Variants in DUSP6 observed in about 807,000 individuals in gnomAD.
DUSP6 encodes the protein dual specificity phosphatase 6, also known as dual specificity protein phosphatase 6.
A neutral mutation model predicts 28.0 loss-of-function variants in DUSP6; 6 were observed. The ratio of observed to expected loss-of-function variants is 0.21; its 90% CI spans 0.12 to 0.42. DUSP6 has a LOEUF of 0.42. Ranked by LOEUF, DUSP6 falls within the 10% of genes least tolerant of loss-of-function variation. The pLI is 1.00. For synonymous variants in DUSP6, 252 were observed against 217.5 expected (o/e 1.16, Z -1.40); for missense variants, 451 against 498.1 (o/e 0.91, Z 0.90).
rs1373254217 is a variant in DUSP6 at position 89,349,098 on chromosome 12, T to G, written c.*156A>C. Reference sequence around the variant, plus strand: ...AATGGAGCAAATCTCTCTGTTAGTATTAACCAATTCCGCACTTGGTAACCT... The same window carrying G: ...AATGGAGCAAATCTCTCTGTTAGTAGTAACCAATTCCGCACTTGGTAACCT... On this transcript the variant is annotated 3_prime_UTR_variant, in exon 3 of 3. Coordinates refer to ENST00000279488, the MANE Select transcript of DUSP6 (RefSeq NM_001946.4). 4.1e-6 allele frequency: 3 copies of G among 734,368 alleles called. No homozygotes were observed. In the South Asian group the frequency reaches 5.5e-5, roughly 14 times the overall value. The allele number at this position is 734,368 out of a possible 1,614,324, so 45.5% of individuals were successfully genotyped here.
At position 89,351,737 on chromosome 12, in the gene DUSP6, G is replaced by A. The variant is rs1275916822; in HGVS notation, c.303C>T (p.Ser101=). 5 of 1,606,490 alleles carry A rather than the reference G, an allele frequency of 3.1e-6. No homozygotes were observed. Among genetic ancestry groups the A allele is most frequent in the Non-Finnish European group, 4.2e-6 (5 of 1,177,316 alleles). The change falls in exon 1 of 3, where the codon AGC becomes AGT. Residue 101 remains serine (S), a synonymous_variant. Transcript: ENST00000279488. ...CCGTATTCTCGTTCCAGTCGCTGCTGCTCTCGTCGTAGAGCACCACTGTGT... is the reference window on the plus strand; with the variant it reads ...CCGTATTCTCGTTCCAGTCGCTGCTACTCTCGTCGTAGAGCACCACTGTGT... ...GTDTVVLYDE[S]SSDWNENTGG...
At position 89,347,688 on chromosome 12, in the gene DUSP6, A is replaced by T. The variant is rs947875876; in HGVS notation, c.*1566T>A. 3.3e-5 allele frequency: 5 copies of T among 152,254 alleles called. No homozygotes were observed. The highest frequency in any genetic ancestry group is 7.2e-5 in the African/African-American group (3 of 41,468). The allele number at this position is 152,254 out of a possible 1,614,324, so 9.4% of individuals were successfully genotyped here. On this transcript the variant is annotated 3_prime_UTR_variant, in exon 3 of 3. Coordinates refer to ENST00000279488, the MANE Select transcript of DUSP6 (RefSeq NM_001946.4). ...GCAGAAGATCCTGACAGTGAAGGAT[A>T]GGGAGGAGGTTAACATGTGGCTGTC...
At position 89,349,379 on chromosome 12, in the gene DUSP6, G is replaced by A; in HGVS notation, c.1021C>T (p.Leu341=). Residue 341 remains leucine (L), a synonymous_variant, in exon 3 of 3, where the codon CTG becomes TTG. Transcript: ENST00000279488. ...SPNFNFMGQL[L]DFERTLGLSS... ...AGTCCCAGCGTCCTCTCGAAGTCCA[G>A]CAGCTGACCCATGAAGTTGAAGTTA... is the stretch of plus-strand genomic sequence containing the variant. The A allele has an allele frequency of 1.9e-6, 3 of 1,614,222 alleles. No homozygotes were observed. The highest frequency in any genetic ancestry group is 2.5e-6 in the Non-Finnish European group (3 of 1,180,036).
rs1396635616 is a variant in DUSP6, at chr12:89,348,946, C to A, written c.*308G>T. 7.2e-6 allele frequency: 2 copies of A among 278,336 alleles called. No individual in the cohort carries two copies. The highest frequency in any genetic ancestry group is 1.7e-4 in the South Asian group (2 of 11,960). The allele number at this position is 278,336 out of a possible 1,614,324, so 17.2% of individuals were successfully genotyped here. A position where few individuals can be genotyped will look rare whatever the true frequency, so the allele number is the denominator to read the frequency against. Reference sequence around the variant, plus strand: ...TAAAGAACACATGCTCCTACCCTATCATTTGGTTCTACCCTATGCGCCTGG... The same window carrying A: ...TAAAGAACACATGCTCCTACCCTATAATTTGGTTCTACCCTATGCGCCTGG... On this transcript the variant is annotated 3_prime_UTR_variant, in exon 3 of 3. Coordinates refer to ENST00000279488, the MANE Select transcript of DUSP6 (RefSeq NM_001946.4).
rs1879051247 is a variant in DUSP6 at position 89,348,328 on chromosome 12, T to C, written c.*926A>G. The C allele has an allele frequency of 2.0e-5, 3 of 152,694 alleles. No individual in the cohort carries two copies. In the South Asian group the frequency reaches 6.2e-4, roughly 32 times the overall value. The allele number at this position is 152,694 out of a possible 1,614,324, so 9.5% of individuals were successfully genotyped here. ...AGAATTTTATACAGAGGTAATATAC[T>C]GTTTAGCACAGCTGAAGGTTTTTTT... On this transcript the variant is annotated 3_prime_UTR_variant, in exon 3 of 3. Coordinates refer to ENST00000279488, the MANE Select transcript of DUSP6 (RefSeq NM_001946.4).
rs1329513787 is a variant in DUSP6 at position 89,352,138 on chromosome 12, G to A, written c.-99C>T. On this transcript the variant is annotated 5_prime_UTR_variant, in exon 1 of 3. Transcript: ENST00000279488. ...CGCGCGAAGCTGCCGCTCTCGGAGC[G>A]GGGTTTAATTCCGCCTCGCCTTACC... The A allele has an allele frequency of 6.6e-7, 1 of 1,513,668 alleles. No homozygotes were observed. The highest frequency in any genetic ancestry group is 1.4e-5 in the African/African-American group (1 of 72,132). The allele number at this position is 1,513,668 out of a possible 1,614,324, so 93.8% of individuals were successfully genotyped here.
intron 2 of DUSP6, among the ~76,000 whole-genome samples, chr12:89,350,195 A>C (rs1338610729): frequency 6.6e-6 from 1 of 152,194 alleles, no homozygotes; most frequent in Non-Finnish European, 1.5e-5. Context: ...TCCAACAACT[A>C]ACTTGATGTC....
Position 89,349,837 on chromosome 12 carries a change from A to G in DUSP6, c.839-276T>C, listed in dbSNP as rs769700. Among the ~76,000 whole-genome samples the G allele has an allele frequency of 0.24, 36,874 of 152,178 alleles. 5,171 individuals are homozygous for G. Among genetic ancestry groups the G allele is most frequent in the African/African-American group, 0.39 (15,976 of 41,482 alleles). On this transcript the variant is annotated intron_variant, in intron 2 of 2. Transcript: ENST00000279488. ...GCATTCTTTGCCTCGGCATGTGAAT[A>G]CCAGAAACCCTGCAATATGTTCGTG...
Position 89,349,179 on chromosome 12 carries a change from G to A in DUSP6, c.*75C>T, listed in dbSNP as rs1592765898. 3.4e-6 allele frequency: 5 copies of A among 1,488,954 alleles called. No individual in the cohort carries two copies. Among genetic ancestry groups the A allele is most frequent in the African/African-American group, 1.4e-5 (1 of 71,706 alleles). 92.2% of individuals were successfully genotyped at this position (1,488,954 alleles called of 1,614,324 possible). A position where few individuals can be genotyped will look rare whatever the true frequency, so the allele number is the denominator to read the frequency against. ...ACACCTGGGGCCACACACAAAGAAA[G>A]CAGCCCAGCTGATGCTGCCAAGAGA... On this transcript the variant is annotated 3_prime_UTR_variant, in exon 3 of 3. Coordinates refer to ENST00000279488, the MANE Select transcript of DUSP6 (RefSeq NM_001946.4).
chr12:89,351,493 C>A, intron 1 of DUSP6, 147 bp downstream of exon 1: 1 of 1,344,796 alleles, frequency 7.4e-7, no homozygotes, highest in Non-Finnish European at 9.8e-7. Flanking sequence ...TTCGCGGCCC[C>A]TACCTCGCCG....
At position 89,350,669 on chromosome 12, in the gene DUSP6, A is replaced by G. The variant is rs2120500092; in HGVS notation, c.757T>C (p.Phe253Leu). Residue 253 changes from phenylalanine (F) to leucine (L), a missense_variant, in exon 2 of 3, where the codon TTT becomes CTT. By Grantham distance (22) the Phe-to-Leu change is conservative. Coordinates refer to ENST00000279488, the MANE Select transcript of DUSP6 (RefSeq NM_001946.4). ...LPNLFENAGE[F>L]KYKQIPISDH... ...GAGATGGGGATTTGCTTGTATTTAA[A>G]CTCTCCTGCGTTCTCAAAGAGATTC... 6.2e-7 allele frequency: 1 copy of G among 1,613,876 alleles called. No individual in the cohort carries two copies. Among genetic ancestry groups the G allele is most frequent in the Non-Finnish European group, 8.5e-7 (1 of 1,179,960 alleles).
intron 2 of DUSP6, among the ~76,000 whole-genome samples, chr12:89,349,826 G>C (rs747387034): frequency 6.6e-6 from 1 of 152,090 alleles, no homozygotes; most frequent in African/African-American, 2.4e-5. Flanking sequence ...TCTTTGCCTC[G>C]GCATGTGAAT....
Position 89,351,774 on chromosome 12 carries a change from C to T in DUSP6, c.266G>A (p.Arg89His). 6.2e-7 allele frequency: 1 copy of T among 1,609,452 alleles called. No individual in the cohort carries two copies. The highest frequency in any genetic ancestry group is 8.5e-7 in the Non-Finnish European group (1 of 1,178,642). Residue 89 changes from arginine to histidine, a missense_variant, in exon 1 of 3, where the codon CGC (arginine) becomes CAC (histidine). By Grantham distance (29) the Arg-to-His change is conservative. Transcript: ENST00000279488. Reference protein sequence around the residue: ...RGEDRDRFTRRCGTDTVVLYD... With the variant: ...RGEDRDRFTRHCGTDTVVLYD... ...GAGCACCACTGTGTCGGTGCCACAG[C>T]GCCGGGTGAAGCGGTCCCGGTCCTC...
Position 89,352,208 on chromosome 12 carries a change from C to T in DUSP6, c.-169G>A. 3.0e-6 allele frequency: 3 copies of T among 1,001,532 alleles called. No homozygotes were observed. The highest frequency in any genetic ancestry group is 2.9e-6 in the Non-Finnish European group (2 of 697,496). The allele number at this position is 1,001,532 out of a possible 1,614,324, so 62.0% of individuals were successfully genotyped here. On this transcript the variant is annotated 5_prime_UTR_variant, in exon 1 of 3. Coordinates refer to ENST00000279488, the MANE Select transcript of DUSP6 (RefSeq NM_001946.4). ...GGGGCAGACGAGACAGAAGTAAAGC[C>T]GGAGGTTCTCTCTGCACCCAGCTGC...
intron 2 of DUSP6, among the ~76,000 whole-genome samples, chr12:89,349,821 G>C (rs1879120063): frequency 6.6e-6 from 1 of 152,162 alleles, no homozygotes; most frequent in South Asian, 2.1e-4. Context: ...TGCATTCTTT[G>C]CCTCGGCATG....
intron 1 of DUSP6, 146 bp downstream of exon 1, chr12:89,351,494 T>C: frequency 2.2e-6 from 3 of 1,347,606 alleles, no homozygotes; most frequent in Admixed American, 5.8e-5. Flanking sequence ...TCGCGGCCCC[T>C]ACCTCGCCGG....
chr12:89,349,271 A>T lies in DUSP6; in HGVS notation c.1129T>A (p.Ser377Thr). 6.2e-7 allele frequency: 1 copy of T among 1,611,186 alleles called. No individual in the cohort carries two copies. Among genetic ancestry groups the T allele is most frequent in the East Asian group, 2.2e-5 (1 of 44,790 alleles). ...PSNQNVYQVD[S>T]LQST is the part of the protein sequence containing the mutation. ...GGGGTCTTTCACGTAGATTGCAGAG[A>T]GTCCACCTGGTATACATTCTGGTTG... Residue 377 changes from serine to threonine, a missense_variant, in exon 3 of 3, where the codon TCT becomes ACT. Physicochemically the swap from Ser to Thr is moderately conservative, Grantham distance 58. Transcript: ENST00000279488.
intron 2 of DUSP6, among the ~76,000 whole-genome samples, chr12:89,350,365 AG>A (rs886615182): frequency 1.3e-5 from 2 of 152,256 alleles, no homozygotes; most frequent in Admixed American, 6.5e-5. Flanking sequence ...CAAAGATTCA[AG>A]AAACAGCGTT....
In DUSP6 at chr12:89,352,153, C is replaced by T. The variant is rs1879225560; in HGVS notation, c.-114G>A. On this transcript the variant is annotated 5_prime_UTR_variant, in exon 1 of 3. Transcript: ENST00000279488. The stretch of plus-strand genomic sequence containing the variant: ...CTCTCGGAGCGGGGTTTAATTCCGC[C>T]TCGCCTTACCCAAGCCGAGGCTAGC... 1.0e-5 allele frequency: 15 copies of T among 1,475,000 alleles called. No homozygotes were observed. Among genetic ancestry groups the T allele is most frequent in the African/African-American group, 1.4e-5 (1 of 71,388 alleles). 91.4% of individuals were successfully genotyped at this position (1,475,000 alleles called of 1,614,324 possible).
Sources: allele counts gnomAD v4.1 joint callset (sites outside exome capture counted in the v4.1 genomes callset), GRCh38; gene constraint gnomAD v4.1.1; transcripts MANE v1.5; gene names NCBI Gene and HGNC (gene_info 2026-07-23, HGNC 2026-07-21).